Variants in IPO5 observed in about 807,000 individuals in gnomAD.
IPO5 encodes the protein importin 5.
A neutral mutation model predicts 143.3 loss-of-function variants in IPO5; 18 were observed. The ratio of observed to expected loss-of-function variants is 0.13; its 90% CI spans 0.09 to 0.19. The LOEUF is 0.19. Among genes scored for constraint, IPO5 ranks in the 10% least tolerant of loss-of-function variants. IPO5 has a pLI of 1.00. For synonymous variants in IPO5, 477 were observed against 465.7 expected, an observed-to-expected ratio of 1.02 and a Z score of -0.31; for missense variants, 1,013 against 1,336.9, an observed-to-expected ratio of 0.76 and a Z score of 3.78.
intron 2 of IPO5, among the ~76,000 whole-genome samples, chr13:97,955,717 A>G (rs1407654354): frequency 6.6e-6 from 1 of 152,150 alleles, no homozygotes; most frequent in Non-Finnish European, 1.5e-5. Flanking sequence ...CTCAGGAAGC[A>G]TTGACAGCCC....
chr13:98,011,957 C>T (rs957655548), intron 20 of IPO5, among the ~76,000 whole-genome samples: 1 of 151,852 alleles, frequency 6.6e-6, no homozygotes, highest in African/African-American at 2.4e-5. Flanking sequence ...ATTGCTGAAA[C>T]TTGCTGAATG....
chr13:97,982,251 A>T (rs1368912571), intron 4 of IPO5: 1 of 362,126 alleles, frequency 2.8e-6, no homozygotes, highest in African/African-American at 2.1e-5. Context: ...CAGGGAGCAT[A>T]AGTTGGGAAA....
At chr13:97,975,070 C>T (rs1285338955) in intron 3 of IPO5, among the ~76,000 whole-genome samples, 1 of 152,178 alleles carries the variant, frequency 6.6e-6, no homozygotes, top group Non-Finnish European at 1.5e-5. Context: ...AAATTAAATT[C>T]CCTAAGTTAA....
At chr13:97,976,143 C>A in intron 3 of IPO5, 1 of 178,986 alleles carries the variant, frequency 5.6e-6, no homozygotes, top group Non-Finnish European at 1.1e-5. Flanking sequence ...CCGACCAGCC[C>A]GCGGCGCCGA....
At chr13:97,985,307 A>C (rs1400066183) in intron 5 of IPO5, 114 bp from the exon 6 acceptor site, 1 of 759,328 alleles carries the variant, frequency 1.3e-6, no homozygotes, top group Admixed American at 2.7e-5. Flanking sequence ...AATTAGAAAG[A>C]GTTATATATT....
At chr13:97,957,605 G>A (rs1472706002) in intron 2 of IPO5, among the ~76,000 whole-genome samples, 1 of 152,060 alleles carries the variant, frequency 6.6e-6, no homozygotes, top group African/African-American at 2.4e-5. Flanking sequence ...AGACAATTTA[G>A]AGAAAACTAG....
intron 2 of IPO5, among the ~76,000 whole-genome samples, chr13:97,968,836 C>T (rs1295516382): frequency 6.6e-6 from 1 of 151,882 alleles, no homozygotes; most frequent in Non-Finnish European, 1.5e-5. Flanking sequence ...GTACAGCCGC[C>T]TGCCACTACA....
chr13:98,014,613 A>T (rs565455668), intron 22 of IPO5, among the ~76,000 whole-genome samples: 1 of 152,280 alleles, frequency 6.6e-6, no homozygotes, highest in East Asian at 1.9e-4. Flanking sequence ...TTTTGTTTTA[A>T]TATTTTGGTA....
chr13:98,005,710 G>A (rs1889183290), intron 16 of IPO5, among the ~76,000 whole-genome samples: 2 of 151,418 alleles, frequency 1.3e-5, no homozygotes, highest in Admixed American at 1.3e-4. Flanking sequence ...AGAAGATAAA[G>A]GAAGGGGCCA....
chr13:97,989,390 T>G (rs1314058437), intron 7 of IPO5, among the ~76,000 whole-genome samples: 1 of 152,206 alleles, frequency 6.6e-6, no homozygotes, highest in Non-Finnish European at 1.5e-5. Context: ...TTGCTTGCTT[T>G]CTCTTTGTCT....
At chr13:97,973,642 T>C (rs1383925580) in intron 3 of IPO5, among the ~76,000 whole-genome samples, 2 of 152,200 alleles carry the variant, frequency 1.3e-5, no homozygotes, top group Non-Finnish European at 2.9e-5. Flanking sequence ...TCCCTTTTGA[T>C]TGGATATTTA....
Position 98,021,967 on chromosome 13 carries a change from C to A in IPO5, c.*145C>A. The stretch of plus-strand genomic sequence containing the variant: ...TCTGGAGAGCCACAAGCAGGAAGAG[C>A]AGCGCTGTGTTGCAGAATGGAGTTT... On this transcript the variant is annotated 3_prime_UTR_variant, in exon 29 of 29. Coordinates refer to ENST00000651721, the MANE Select transcript of IPO5 (RefSeq NM_002271.6). 2.1e-6 allele frequency: 1 copy of A among 469,532 alleles called. No individual in the cohort carries two copies. Among genetic ancestry groups the A allele is most frequent in the Non-Finnish European group, 3.8e-6 (1 of 262,112 alleles). The allele number at this position is 469,532 out of a possible 1,614,324, so 29.1% of individuals were successfully genotyped here.
intron 9 of IPO5, among the ~76,000 whole-genome samples, chr13:97,992,217 G>GTC (rs1887865086): frequency 6.6e-6 from 1 of 152,192 alleles, no homozygotes; most frequent in African/African-American, 2.4e-5. Context: ...TGGATTTAGA[G>GTC]TAAGTTAAAA....
intron 11 of IPO5, among the ~76,000 whole-genome samples, chr13:97,995,971 G>C (rs1888252240): frequency 6.6e-6 from 1 of 152,036 alleles, no homozygotes; most frequent in African/African-American, 2.4e-5. Context: ...TGACCAATCA[G>C]ATACACCATA....
At chr13:97,969,698 C>T (rs576331068) in intron 2 of IPO5, 25 bp from the exon 3 acceptor site, 11 of 964,970 alleles carry the variant, frequency 1.1e-5, no homozygotes, top group Non-Finnish European at 1.9e-5. Context: ...TCTAATGGTC[C>T]ACCATTCTGT....
intron 3 of IPO5, among the ~76,000 whole-genome samples, chr13:97,973,440 C>T (rs900756297): frequency 6.6e-6 from 1 of 152,178 alleles, no homozygotes; most frequent in Non-Finnish European, 1.5e-5. Flanking sequence ...TCCCAGAAGG[C>T]TGAGCATTAT....
chr13:97,973,014 A>G (rs1885950693), intron 3 of IPO5, among the ~76,000 whole-genome samples: 1 of 145,692 alleles, frequency 6.9e-6, no homozygotes, highest in African/African-American at 2.5e-5. Context: ...TTTATGGAAT[A>G]TCTTAGTTAT....
chr13:98,000,913 TTC>T (rs1566532654), intron 13 of IPO5: 1 of 424,642 alleles, frequency 2.4e-6, no homozygotes, highest in African/African-American at 2.0e-5. Context: ...TCATATACTC[TTC>T]TTTCACCCAA....
intron 4 of IPO5, chr13:97,980,071 T>G: frequency 2.6e-6 from 1 of 386,196 alleles, no homozygotes; most frequent in South Asian, 1.9e-5. Context: ...TCAAATCAAA[T>G]TGAAATTTTG....
Sources: allele counts gnomAD v4.1 joint callset (sites outside exome capture counted in the v4.1 genomes callset), GRCh38; gene constraint gnomAD v4.1.1; transcripts MANE v1.5; gene names NCBI Gene and HGNC (gene_info 2026-07-23, HGNC 2026-07-21).